The following SMYD3 variants were observed in gnomAD, a reference collection of about 807,000 sequenced individuals.
The protein encoded by SMYD3 is SET and MYND domain containing 3, also known as histone-lysine N-methyltransferase SMYD3.
In SMYD3, 36 loss-of-function variants were observed where a neutral mutation model predicts 57.7. The ratio of observed to expected loss-of-function variants is 0.62; its 90% CI spans 0.48 to 0.82. The LOEUF is 0.82. SMYD3 is among the 40% of genes least tolerant of loss of function. The pLI, the probability that SMYD3 is intolerant of heterozygous loss-of-function variation, is 0.00. For missense variants in SMYD3, 515 were observed against 538.8 expected (o/e 0.96, Z 0.44); for synonymous variants, 211 against 195.0 (o/e 1.08, Z -0.68).
intron 5 of SMYD3, among the ~76,000 whole-genome samples, chr1:246,007,557 C>T (rs904565024): frequency 6.6e-6 from 1 of 151,980 alleles, no homozygotes; most frequent in Non-Finnish European, 1.5e-5. Context: ...CATCTGTAAT[C>T]CCAGTATTTC....
chr1:246,142,088 C>T (rs2061766520), intron 5 of SMYD3, among the ~76,000 whole-genome samples: 1 of 152,128 alleles, frequency 6.6e-6, no homozygotes, highest in Admixed American at 6.5e-5. Flanking sequence ...AGAAGGATAC[C>T]TCTCTTCTCG....
intron 5 of SMYD3, among the ~76,000 whole-genome samples, chr1:246,077,539 A>T (rs2060568542): frequency 1.3e-5 from 2 of 151,932 alleles, no homozygotes; most frequent in Non-Finnish European, 2.9e-5. Context: ...TAAAATTTAA[A>T]AAAAAGAGAG....
intron 10 of SMYD3, among the ~76,000 whole-genome samples, chr1:245,816,734 G>A (rs1009010048): frequency 3.3e-5 from 5 of 152,108 alleles, no homozygotes; most frequent in South Asian, 2.1e-4. Flanking sequence ...TGCCTCACTC[G>A]GGAAGCGCCA....
intron 1 of SMYD3, among the ~76,000 whole-genome samples, chr1:246,397,841 T>C (rs1386496921): frequency 6.7e-6 from 1 of 149,900 alleles, no homozygotes; most frequent in Non-Finnish European, 1.5e-5. Flanking sequence ...GATGAAATCA[T>C]AGGGGTGTAG....
intron 1 of SMYD3, among the ~76,000 whole-genome samples, chr1:246,404,287 A>T (rs1444081121): frequency 2.6e-5 from 4 of 152,246 alleles, no homozygotes; most frequent in African/African-American, 7.2e-5. Context: ...TGCTGACTTC[A>T]GACTGAAGGG....
intron 5 of SMYD3, among the ~76,000 whole-genome samples, chr1:246,020,339 G>A (rs1303700586): frequency 6.6e-6 from 1 of 152,200 alleles, no homozygotes; most frequent in East Asian, 1.9e-4. Flanking sequence ...ACACATTGGG[G>A]AGGCTTCTTG....
chr1:245,775,577 A>G (rs1487334055), intron 10 of SMYD3, among the ~76,000 whole-genome samples: 1 of 151,496 alleles, frequency 6.6e-6, no homozygotes, highest in Non-Finnish European at 1.5e-5. Flanking sequence ...AACACTGCGG[A>G]AGGCCGCAGG....
At chr1:245,832,870 T>C (rs867084405) in intron 10 of SMYD3, among the ~76,000 whole-genome samples, 1 of 152,118 alleles carries the variant, frequency 6.6e-6, no homozygotes, top group Admixed American at 6.5e-5. Flanking sequence ...CTGAAAGGTA[T>C]TGACTTTGCT....
Position 245,987,189 on chromosome 1 carries a change from A to C in SMYD3, c.532-57252T>G, listed in dbSNP as rs7514246. ...CAGAACGTCCAAAAATTCTTGAAGA[A>C]TCCAGATGTTCCCATAATCAGCCAC... On this transcript the variant is annotated intron_variant, in intron 5 of 11. Transcript: ENST00000490107. Among the ~76,000 whole-genome samples the C allele has an allele frequency of 2.3e-3, 344 of 152,358 alleles. 3 individuals carry two copies. The highest frequency in any genetic ancestry group is 7.8e-3 in the African/African-American group (325 of 41,588).
chr1:246,065,812 A>G (rs2060330414), intron 5 of SMYD3, among the ~76,000 whole-genome samples: 2 of 152,270 alleles, frequency 1.3e-5, no homozygotes, highest in South Asian at 2.1e-4. Context: ...CCTTCTCTAC[A>G]TGTCAATAGA....
chr1:246,278,889 T>C (rs1027183404), intron 5 of SMYD3, among the ~76,000 whole-genome samples: 1 of 152,264 alleles, frequency 6.6e-6, no homozygotes, highest in African/African-American at 2.4e-5. Flanking sequence ...ATACACCCAA[T>C]AAAGTCGGCA....
intron 5 of SMYD3, among the ~76,000 whole-genome samples, chr1:246,227,167 CA>C (rs2063342209): frequency 1.3e-5 from 2 of 152,194 alleles, no homozygotes; most frequent in African/African-American, 2.4e-5. Context: ...GCAATAATTT[CA>C]TGAGAACACA....
chr1:246,309,366 C>T (rs547311440), intron 5 of SMYD3, among the ~76,000 whole-genome samples: 4 of 152,144 alleles, frequency 2.6e-5, no homozygotes, highest in African/African-American at 7.2e-5. Context: ...TCCAGCCAGA[C>T]GAAGGTATAG....
chr1:245,978,063 T>C (rs2058495549), intron 5 of SMYD3, among the ~76,000 whole-genome samples: 1 of 152,210 alleles, frequency 6.6e-6, no homozygotes, highest in African/African-American at 2.4e-5. Flanking sequence ...CTGTCGTTTA[T>C]CATCACTATA....
intron 5 of SMYD3, among the ~76,000 whole-genome samples, chr1:246,145,983 G>GCACT (rs1429250266): frequency 5.3e-5 from 8 of 152,178 alleles, no homozygotes; most frequent in Non-Finnish European, 1.2e-4. Context: ...TGCTTTTAAA[G>GCACT]CACTCTTAAA....
intron 5 of SMYD3, among the ~76,000 whole-genome samples, chr1:246,285,180 G>T (rs567200841): frequency 6.6e-6 from 1 of 152,014 alleles, no homozygotes; most frequent in Non-Finnish European, 1.5e-5. Flanking sequence ...CACCCTCATA[G>T]CTTAGCTCTC....
At chr1:246,302,795 G>C (rs1161919015) in intron 5 of SMYD3, among the ~76,000 whole-genome samples, 2 of 152,128 alleles carry the variant, frequency 1.3e-5, no homozygotes, top group African/African-American at 4.8e-5. Context: ...GGAGTTAATA[G>C]CAAAAGAATG....
intron 5 of SMYD3, among the ~76,000 whole-genome samples, chr1:245,935,377 C>T (rs574422181): frequency 9.2e-5 from 14 of 152,148 alleles, no homozygotes; most frequent in Non-Finnish European, 1.6e-4. Context: ...CACCTCATGC[C>T]TGTTTCATCA....
At chr1:246,317,358 T>C (rs764333633) in intron 5 of SMYD3, among the ~76,000 whole-genome samples, 1 of 152,248 alleles carries the variant, frequency 6.6e-6, no homozygotes, top group Non-Finnish European at 1.5e-5. Context: ...CTATTTCCAA[T>C]TGTGTGCAAA....
Sources: allele counts gnomAD v4.1 joint callset (sites outside exome capture counted in the v4.1 genomes callset), GRCh38; gene constraint gnomAD v4.1.1; transcripts MANE v1.5; gene names NCBI Gene and HGNC (gene_info 2026-07-23, HGNC 2026-07-21).